Variants in RHBDL2 observed in about 807,000 individuals in gnomAD.
The protein encoded by RHBDL2 is rhomboid like 2, also known as rhomboid-related protein 2.
RHBDL2 carries 26 observed loss-of-function variants against 31.7 expected under a neutral mutation model. The ratio of observed to expected loss-of-function variants is 0.82; its 90% CI spans 0.60 to 1.14. The LOEUF (loss-of-function observed/expected upper bound fraction) is 1.14. RHBDL2 is among the 50% of genes most tolerant of loss of function. RHBDL2 has a pLI of 0.00. For synonymous variants in RHBDL2, 123 were observed against 127.2 expected (o/e 0.97, Z 0.22); for missense variants, 336 against 364.4 (o/e 0.92, Z 0.63).
chr1:38,904,816 G>C (rs1643041183), intron 4 of RHBDL2, among the ~76,000 whole-genome samples: 1 of 149,616 alleles, frequency 6.7e-6, no homozygotes, highest in Admixed American at 6.7e-5. Context: ...CGGATCACGA[G>C]GTCAGGATAT....
At position 38,912,904 on chromosome 1, in the gene RHBDL2, ATATATATG is replaced by A. The variant is rs1340716890; in HGVS notation, c.396-1478_396-1471del. On this transcript the variant is annotated intron_variant, in intron 3 of 7. Coordinates refer to ENST00000372990, the MANE Select transcript of RHBDL2 (RefSeq NM_017821.5). ...ATACCATATATATATATATATATAT[ATATATATG>A]TGTGTGTGTGTGTGTGTGTGTGTGT... Among the ~76,000 whole-genome samples, 98 of 32,570 alleles carry A rather than the reference ATATATATG, an allele frequency of 3.0e-3. 1 individual carries two copies. Among genetic ancestry groups the A allele is most frequent in the African/African-American group, 7.4e-3 (94 of 12,704 alleles). The allele number at this position is 32,570 out of a possible 152,430, so 21.4% of individuals were successfully genotyped here. A position where few individuals can be genotyped will look rare whatever the true frequency, so the allele number is the denominator to read the frequency against.
chr1:38,909,737 A>T (rs1305774726), intron 4 of RHBDL2, among the ~76,000 whole-genome samples: 1 of 152,156 alleles, frequency 6.6e-6, no homozygotes, highest in Non-Finnish European at 1.5e-5. Flanking sequence ...GCAAGACTCC[A>T]TCTCAAAATA....
At chr1:38,920,367 C>T (rs1643296042) in intron 1 of RHBDL2, among the ~76,000 whole-genome samples, 1 of 151,844 alleles carries the variant, frequency 6.6e-6, no homozygotes, top group South Asian at 2.1e-4. Flanking sequence ...AGGGTTTCAC[C>T]ATGTTGGCCA....
intron 1 of RHBDL2, among the ~76,000 whole-genome samples, chr1:38,920,628 A>G (rs1367884375): frequency 7.3e-6 from 1 of 136,224 alleles, no homozygotes; most frequent in Non-Finnish European, 1.5e-5. Context: ...TTTTTTTGAG[A>G]CAGAGTCTCG....
intron 4 of RHBDL2, among the ~76,000 whole-genome samples, chr1:38,910,229 G>A (rs1337762140): frequency 6.6e-6 from 1 of 152,100 alleles, no homozygotes; most frequent in African/African-American, 2.4e-5. Flanking sequence ...GCTATAAAAA[G>A]GCATCATAAG....
intron 6 of RHBDL2, among the ~76,000 whole-genome samples, chr1:38,892,857 G>T (rs750878913): frequency 6.6e-6 from 1 of 152,196 alleles, no homozygotes; most frequent in Non-Finnish European, 1.5e-5. Context: ...GAAACAAATT[G>T]AGTCTAAGAA....
intron 1 of RHBDL2, among the ~76,000 whole-genome samples, chr1:38,928,931 C>T (rs945342747): frequency 8.6e-5 from 13 of 151,908 alleles, no homozygotes; most frequent in Admixed American, 2.6e-4. Context: ...TTGCCAGGTG[C>T]AGTGGTGTGC....
At chr1:38,941,020 G>A (rs1426314489) in intron 1 of RHBDL2, among the ~76,000 whole-genome samples, 2 of 152,196 alleles carry the variant, frequency 1.3e-5, no homozygotes, top group African/African-American at 2.4e-5. Flanking sequence ...CCACCAGCTT[G>A]TAGATGACCA....
intron 1 of RHBDL2, chr1:38,926,493 C>T (rs1276122552): frequency 6.6e-6 from 1 of 152,314 alleles, no homozygotes; most frequent in African/African-American, 2.4e-5. Flanking sequence ...CAATAAAATT[C>T]ATTTCCTGAT....
chr1:38,914,135 A>G (rs978123259), intron 3 of RHBDL2, among the ~76,000 whole-genome samples: 1 of 152,014 alleles, frequency 6.6e-6, no homozygotes, highest in Non-Finnish European at 1.5e-5. Flanking sequence ...AAAGAAAGAA[A>G]GAAACTGTAG....
intron 1 of RHBDL2, chr1:38,925,852 G>T: frequency 2.9e-6 from 2 of 701,714 alleles, no homozygotes; most frequent in Non-Finnish European, 4.0e-6. Context: ...AGTCATGTGA[G>T]ATATCCAGGC....
intron 4 of RHBDL2, among the ~76,000 whole-genome samples, chr1:38,897,271 T>C (rs1045685187): frequency 6.6e-6 from 1 of 152,050 alleles, no homozygotes; most frequent in Non-Finnish European, 1.5e-5. Context: ...TGGCTAATTT[T>C]TTGTGTTTTT....
At chr1:38,915,394 C>A in intron 3 of RHBDL2, 168 bp downstream of exon 3, 2 of 632,184 alleles carry the variant, frequency 3.2e-6, no homozygotes, top group Non-Finnish European at 5.4e-6. Context: ...ATGACTACAT[C>A]TCCTATGCCT....
At chr1:38,916,570 C>T (rs568115907) in intron 2 of RHBDL2, among the ~76,000 whole-genome samples, 9 of 152,206 alleles carry the variant, frequency 5.9e-5, no homozygotes, top group South Asian at 2.1e-4. Flanking sequence ...TGGGGCCAGA[C>T]GCAGTGGCTC....
intron 5 of RHBDL2, among the ~76,000 whole-genome samples, chr1:38,893,523 T>C (rs1421085988): frequency 1.3e-5 from 2 of 152,168 alleles, no homozygotes; most frequent in Non-Finnish European, 1.5e-5. Flanking sequence ...AATAAATAGA[T>C]AAATAAATGC....
intron 6 of RHBDL2, among the ~76,000 whole-genome samples, chr1:38,889,847 G>A (rs1380900907): frequency 6.6e-6 from 1 of 152,126 alleles, no homozygotes. Flanking sequence ...CCTAGGAGAT[G>A]AAAAGACCTA....
At chr1:38,893,609 C>A (rs1642879921) in intron 5 of RHBDL2, among the ~76,000 whole-genome samples, 2 of 151,686 alleles carry the variant, frequency 1.3e-5, no homozygotes, top group South Asian at 4.2e-4. Flanking sequence ...TCCTCTTTCC[C>A]AGTAGTATTT....
At chr1:38,915,367 T>C in intron 3 of RHBDL2, 195 bp downstream of exon 3, 4 of 525,516 alleles carry the variant, frequency 7.6e-6, no homozygotes, top group Non-Finnish European at 1.3e-5. Flanking sequence ...TCAAGTGATC[T>C]GCCCACCTCA....
intron 6 of RHBDL2, among the ~76,000 whole-genome samples, chr1:38,892,407 A>G (rs972085763): frequency 6.6e-6 from 1 of 152,188 alleles, no homozygotes; most frequent in African/African-American, 2.4e-5. Context: ...TTGTGGTTCA[A>G]GTAGAGGGGG....
Sources: gnomAD v4.1 joint callset for allele counts (sites outside exome capture counted in the v4.1 genomes callset) on GRCh38, gnomAD v4.1.1 for gene constraint, MANE v1.5 for transcripts, NCBI Gene and HGNC (gene_info 2026-07-23, HGNC 2026-07-21) for gene names.